Variants in FILIP1L observed in about 807,000 individuals in gnomAD.
FILIP1L encodes the protein filamin A-interacting protein 1-like.
A neutral mutation model predicts 96.6 loss-of-function variants in FILIP1L; 55 were observed. That is an observed-to-expected ratio of 0.57 (90% CI 0.46 to 0.71). The LOEUF (loss-of-function observed/expected upper bound fraction) is 0.71, where lower values mean the gene tolerates loss of function less well. Ranked by LOEUF, FILIP1L falls within the 30% of genes least tolerant of loss-of-function variation. The pLI is 0.00. For missense variants in FILIP1L, 1,304 were observed against 1,321.2 expected (o/e 0.99, Z 0.20); for synonymous variants, 467 against 473.9 (o/e 0.99, Z 0.19).
intron 5 of FILIP1L, among the ~76,000 whole-genome samples, chr3:99,838,528 G>C (rs1006226570): frequency 6.6e-6 from 1 of 152,254 alleles, no homozygotes; most frequent in Admixed American, 6.5e-5. Flanking sequence ...TCTGGCTGAA[G>C]TGGCAGATCT....
intron 1 of FILIP1L, among the ~76,000 whole-genome samples, chr3:100,078,999 T>C (rs1357010013): frequency 2.6e-5 from 4 of 152,184 alleles, no homozygotes; most frequent in East Asian, 1.9e-4. Flanking sequence ...GTGGCCCACG[T>C]TGGACAAGCT....
chr3:100,070,624 T>C (rs1313126636), intron 1 of FILIP1L, among the ~76,000 whole-genome samples: 4 of 152,084 alleles, frequency 2.6e-5, no homozygotes, highest in African/African-American at 9.7e-5. Context: ...TGGGGTTTTT[T>C]TGTTGTTGTT....
In FILIP1L at chr3:99,929,974, A is replaced by G. The variant is rs1373136806; in HGVS notation, c.308T>C (p.Leu103Pro). The G allele has an allele frequency of 6.2e-7, 1 of 1,614,022 alleles. No individual in the cohort carries two copies. The highest frequency in any genetic ancestry group is 8.5e-7 in the Non-Finnish European group (1 of 1,180,016). The change falls in exon 3 of 6, where the codon CTG (leucine) becomes CCG (proline). Residue 103 changes from leucine (L) to proline (P), a missense_variant. Physicochemically the swap from Leu to Pro is moderately conservative, Grantham distance 98. Transcript: ENST00000477258. ...AGTGACAAACCCATACTGAGCTTCC[A>G]GCAAAGCCAGGTCCATTTTTTCAGC... ...LKAEKMDLAL[L>P]EAQYGFVTPK...
intron 2 of FILIP1L, 109 bp from the exon 3 acceptor site, chr3:99,930,138 G>A: frequency 1.2e-6 from 1 of 864,768 alleles, no homozygotes; most frequent in Non-Finnish European, 1.8e-6. Flanking sequence ...AAATCTAAAT[G>A]AATCATATTT....
chr3:99,880,126 T>C (rs1182388981), intron 4 of FILIP1L, among the ~76,000 whole-genome samples: 1 of 152,184 alleles, frequency 6.6e-6, no homozygotes, highest in African/African-American at 2.4e-5. Flanking sequence ...TGAAGGGACC[T>C]GTAGGCAACT....
intron 4 of FILIP1L, among the ~76,000 whole-genome samples, chr3:99,894,726 A>G (rs1706194088): frequency 6.6e-6 from 1 of 152,222 alleles, no homozygotes; most frequent in South Asian, 2.1e-4. Flanking sequence ...AAGGAAGCTT[A>G]CTCAACCCAT....
chr3:100,029,705 GAT>G (rs549208524), intron 1 of FILIP1L, among the ~76,000 whole-genome samples: 42 of 152,244 alleles, frequency 2.8e-4, no homozygotes, highest in African/African-American at 8.9e-4. Flanking sequence ...CAACATTTCT[GAT>G]GGTTTCTTTT....
chr3:99,985,152 A>C (rs1170319578), intron 1 of FILIP1L, among the ~76,000 whole-genome samples: 1 of 152,188 alleles, frequency 6.6e-6, no homozygotes, highest in African/African-American at 2.4e-5. Context: ...TAAAGAGAAG[A>C]TTGAACAAAA....
chr3:99,830,480 A>G lies in FILIP1L; in HGVS notation c.3507T>C (p.Cys1169=), dbSNP rs1281296273. The change falls in exon 6 of 6, where the codon TGT becomes TGC. Residue 1169 remains cysteine (C), a synonymous_variant. Coordinates refer to ENST00000477258, the MANE Select transcript of FILIP1L (RefSeq NM_001387850.1). ...CAGTTCTCACGATGTGTAGCTTCCC[A>G]CAGCCATTTTGGTAAATAGGCTTAT... ...PMDKPIYQNG[C]GKLHIVRTVT... is the part of the protein sequence containing the mutation. 2.2e-6 allele frequency: 1 copy of G among 456,682 alleles called. No homozygotes were observed. Among genetic ancestry groups the G allele is most frequent in the East Asian group, 6.9e-5 (1 of 14,392 alleles). The allele number at this position is 456,682 out of a possible 1,614,324, so 28.3% of individuals were successfully genotyped here.
chr3:99,991,034 TA>T (rs1398605364), intron 1 of FILIP1L, among the ~76,000 whole-genome samples: 3 of 152,162 alleles, frequency 2.0e-5, no homozygotes, highest in African/African-American at 7.2e-5. Flanking sequence ...AAGATGCCCA[TA>T]ATCTGGTCCA....
intron 1 of FILIP1L, among the ~76,000 whole-genome samples, chr3:100,043,991 A>G (rs149795535): frequency 6.1e-4 from 93 of 152,322 alleles, no homozygotes; most frequent in African/African-American, 2.1e-3. Context: ...CTCCAGTTCC[A>G]TCCACGTTGT....
chr3:99,904,341 T>A (rs1027573526), intron 4 of FILIP1L, among the ~76,000 whole-genome samples: 1 of 152,230 alleles, frequency 6.6e-6, no homozygotes, highest in East Asian at 1.9e-4. Flanking sequence ...TGCTATCCAA[T>A]CAAGTATTTG....
chr3:99,874,226 G>A (rs1364312854), intron 4 of FILIP1L: 1 of 152,152 alleles, frequency 6.6e-6, no homozygotes, highest in African/African-American at 2.4e-5. Context: ...GAATTTTGAT[G>A]GAAGTTATGA....
intron 3 of FILIP1L, among the ~76,000 whole-genome samples, chr3:99,925,070 G>T (rs1707249054): frequency 1.3e-5 from 2 of 152,274 alleles, no homozygotes; most frequent in East Asian, 3.9e-4. Context: ...TGGATTCGCA[G>T]CTGCCCTAGC....
chr3:100,069,273 C>T (rs1211808261), intron 1 of FILIP1L, among the ~76,000 whole-genome samples: 1 of 151,674 alleles, frequency 6.6e-6, no homozygotes, highest in Non-Finnish European at 1.5e-5. Flanking sequence ...TAGGGAAAGC[C>T]ACACTCTCTT....
intron 1 of FILIP1L, among the ~76,000 whole-genome samples, chr3:99,947,356 A>G (rs1442527283): frequency 6.6e-6 from 1 of 152,118 alleles, no homozygotes; most frequent in Non-Finnish European, 1.5e-5. Flanking sequence ...CCATACCATG[A>G]TATTTGATAG....
rs1249862592 is a variant in FILIP1L, at chr3:100,084,034, AAAT to A, written c.-11+30016_-11+30018del. 3.9e-5 allele frequency among the ~76,000 whole-genome samples: 6 copies of A among 152,154 alleles called. No individual in the cohort carries two copies. In the South Asian group the frequency reaches 1.2e-3, roughly 32 times the overall value. On this transcript the variant is annotated intron_variant, in intron 1 of 5. Transcript: ENST00000477258. ...ATTTGTGTTATTTCTTCCTTTCATA[AAAT>A]AATAATAATGCTTGTATTAAAATTT... is the stretch of plus-strand genomic sequence containing the variant.
At chr3:99,912,593 G>T (rs1256662167) in intron 4 of FILIP1L, among the ~76,000 whole-genome samples, 3 of 152,112 alleles carry the variant, frequency 2.0e-5, no homozygotes, top group Non-Finnish European at 2.9e-5. Context: ...GCCCAGGCTG[G>T]TCTCAAACTC....
chr3:99,883,224 TC>T (rs1331326968), intron 4 of FILIP1L, among the ~76,000 whole-genome samples: 1 of 152,200 alleles, frequency 6.6e-6, no homozygotes, highest in East Asian at 1.9e-4. Context: ...ATTTTTTACT[TC>T]CCCAGCAAGT....
Sources: allele counts gnomAD v4.1 joint callset (sites outside exome capture counted in the v4.1 genomes callset), GRCh38; gene constraint gnomAD v4.1.1; transcripts MANE v1.5; gene names NCBI Gene and HGNC (gene_info 2026-07-23, HGNC 2026-07-21).